Variants in RNF125 observed in about 807,000 individuals in gnomAD.
The protein encoded by RNF125 is ring finger protein 125.
Under a neutral mutation model 26.0 loss-of-function variants are expected in RNF125, and 21 were observed. The ratio of observed to expected loss-of-function variants is 0.81; its 90% CI spans 0.57 to 1.16. RNF125 has a LOEUF of 1.16. RNF125 is among the 50% of genes most tolerant of loss of function. RNF125 has a pLI of 0.00. For missense variants in RNF125, 270 were observed against 299.4 expected (o/e 0.90, Z 0.72); for synonymous variants, 95 against 109.2 (o/e 0.87, Z 0.81).
intron 4 of RNF125, among the ~76,000 whole-genome samples, chr18:32,048,393 T>C (rs886695998): frequency 2.7e-5 from 4 of 150,102 alleles, no homozygotes; most frequent in Non-Finnish European, 5.9e-5. Context: ...GCCATTGCAC[T>C]CCAGCATGGG....
At chr18:32,038,043 ATTTT>A (rs35226765) in intron 2 of RNF125, among the ~76,000 whole-genome samples, 2 of 103,378 alleles carry the variant, frequency 1.9e-5, no homozygotes, top group Admixed American at 1.1e-4. Context: ...GGTCCGTGCC[ATTTT>A]TTTTTTTTTT....
downstream of RNF125, among the ~76,000 whole-genome samples, chr18:32,075,365 C>G (rs1199675860): frequency 6.6e-6 from 1 of 152,036 alleles, no homozygotes; most frequent in Non-Finnish European, 1.5e-5. Context: ...CGAGACCAGC[C>G]TGGCCAACAT....
At chr18:32,063,696 A>G (rs901664892) in intron 4 of RNF125, among the ~76,000 whole-genome samples, 1 of 152,208 alleles carries the variant, frequency 6.6e-6, no homozygotes. Flanking sequence ...AAATAAATGG[A>G]TAAGCAGACT....
chr18:32,079,611 A>G, the RNF125 span, among the ~76,000 whole-genome samples: 3 of 152,244 alleles, frequency 2.0e-5, no homozygotes, highest in Middle Eastern at 3.2e-3. Flanking sequence ...TAGGCACTCC[A>G]TAAACATCTG....
At chr18:32,085,910 A>T in the RNF125 span, among the ~76,000 whole-genome samples, 4 of 152,068 alleles carry the variant, frequency 2.6e-5, no homozygotes, top group Non-Finnish European at 5.9e-5. Context: ...AGAAAGGCAA[A>T]TGCCTAGGTC....
At chr18:32,077,097 C>T (rs2039575108), downstream of RNF125, among the ~76,000 whole-genome samples, 1 of 152,104 alleles carries the variant, frequency 6.6e-6, no homozygotes, top group African/African-American at 2.4e-5. Flanking sequence ...AAAACAATGG[C>T]ACATGTCAAG....
At chr18:32,062,452 T>C (rs973349472) in intron 4 of RNF125, among the ~76,000 whole-genome samples, 1 of 152,164 alleles carries the variant, frequency 6.6e-6, no homozygotes, top group Non-Finnish European at 1.5e-5. Context: ...ACCAAGAACA[T>C]TAGGAAATTG....
At chr18:32,083,997 A>C in the RNF125 span, among the ~76,000 whole-genome samples, 4 of 152,212 alleles carry the variant, frequency 2.6e-5, no homozygotes, top group Admixed American at 2.6e-4. Context: ...AGAAAGGGAG[A>C]GAAGAGCGAG....
intron 1 of RNF125, among the ~76,000 whole-genome samples, chr18:32,034,269 G>A (rs546822195): frequency 1.3e-5 from 2 of 152,172 alleles, no homozygotes; most frequent in South Asian, 2.1e-4. Context: ...AGACAACCTC[G>A]CGGATCTTCT....
chr18:32,023,863 C>T (rs557911445), intron 1 of RNF125, among the ~76,000 whole-genome samples: 2 of 152,248 alleles, frequency 1.3e-5, no homozygotes, highest in South Asian at 4.1e-4. Flanking sequence ...TTGTGACTAG[C>T]CTGGGCAACA....
At chr18:32,047,384 T>G (rs1020640351) in intron 4 of RNF125, among the ~76,000 whole-genome samples, 5 of 152,212 alleles carry the variant, frequency 3.3e-5, no homozygotes, top group African/African-American at 1.2e-4. Flanking sequence ...TCTTGTATGC[T>G]TAAACTTTTC....
At position 32,065,941 on chromosome 18, in the gene RNF125, A is replaced by G. The variant is rs756896808; in HGVS notation, c.544A>G (p.Ser182Gly). 2 of 1,613,970 alleles carry G rather than the reference A, an allele frequency of 1.2e-6. No individual in the cohort carries two copies. The highest frequency in any genetic ancestry group is 2.2e-5 in the East Asian group (1 of 44,884). Residue 182 changes from serine (S) to glycine (G), a missense_variant, in exon 5 of 6, where the codon AGC (serine) becomes GGC (glycine). Physicochemically the swap from Ser to Gly is moderately conservative, Grantham distance 56. Transcript: ENST00000217740. Reference sequence around the variant, plus strand: ...CCGTTTAATACCCGATGAGAATCCAAGCAGCTTCAGTGGCAGTTTAATAAG... The same window carrying G: ...CCGTTTAATACCCGATGAGAATCCAGGCAGCTTCAGTGGCAGTTTAATAAG... ...LCRLIPDENP[S>G]SFSGSLIRHL...
rs1427950152 is a variant in RNF125 at position 32,031,484 on chromosome 18, GGGAAAAAAAAAAAA to G, written c.165-5631_165-5618del. 1.0e-4 allele frequency: 8 copies of G among 79,084 alleles called. No homozygotes were observed. In the East Asian group the frequency reaches 2.4e-3, roughly 24 times the overall value. The allele number at this position is 79,084 out of a possible 1,614,324, so 4.9% of individuals were successfully genotyped here. On this transcript the variant is annotated intron_variant, in intron 1 of 5. Transcript: ENST00000217740. The stretch of plus-strand genomic sequence containing the variant: ...TGCATTGGCATACAACTCAAATTGT[GGGAAAAAAAAAAAA>G]AAAAAAAAAAAAAAGGGAAAACTGC...
chr18:32,037,817 C>T (rs1477538915), intron 2 of RNF125, among the ~76,000 whole-genome samples: 1 of 152,086 alleles, frequency 6.6e-6, no homozygotes, highest in Non-Finnish European at 1.5e-5. Context: ...CTCTGTAAAA[C>T]GCACCAATCA....
At chr18:32,079,604 G>A in the RNF125 span, among the ~76,000 whole-genome samples, 402 of 152,232 alleles carry the variant, frequency 2.6e-3, 11 homozygotes, top group East Asian at 0.053. Flanking sequence ...ATCTCTGTAG[G>A]CACTCCATAA....
intron 4 of RNF125, 62 bp downstream of exon 4, chr18:32,045,794 A>G (rs2039264681): frequency 2.0e-6 from 2 of 983,136 alleles, no homozygotes; most frequent in Non-Finnish European, 3.2e-6. Context: ...TAGGAAATCC[A>G]TTTAATAGAT....
In RNF125 at chr18:32,070,467, G is replaced by A. The variant is rs1054121999; in HGVS notation, c.*2083G>A. ...ATTATAGGCGTGAGCCACTGTGCCC[G>A]GCCTACAGGGTTTTTATCTAACCTT... On this transcript the variant is annotated 3_prime_UTR_variant, in exon 6 of 6. Transcript: ENST00000217740. 3.9e-5 allele frequency: 6 copies of A among 152,246 alleles called. No individual in the cohort carries two copies. Among genetic ancestry groups the A allele is most frequent in the Admixed American group, 2.6e-4 (4 of 15,292 alleles). The allele number at this position is 152,246 out of a possible 1,614,324, so 9.4% of individuals were successfully genotyped here.
chr18:32,042,339 G>T, intron 3 of RNF125, 66 bp downstream of exon 3: 1 of 990,000 alleles, frequency 1.0e-6, no homozygotes, highest in East Asian at 2.6e-5. Context: ...TTAATGGGCT[G>T]GAAACTTTAA....
chr18:32,040,172 C>T lies in RNF125; in HGVS notation c.319-2007C>T, dbSNP rs185515272. On this transcript the variant is annotated intron_variant, in intron 2 of 5. Transcript: ENST00000217740. ...CCTTCTACGCACATTTTGCCCTCTC[C>T]ATGTTGCACTCTCTGTGTTCTTCAG... is the stretch of plus-strand genomic sequence containing the variant. 4.6e-5 allele frequency among the ~76,000 whole-genome samples: 7 copies of T among 152,100 alleles called. No homozygotes were observed. In the East Asian group the frequency reaches 1.4e-3, roughly 29 times the overall value.
Sources: gnomAD v4.1 joint callset for allele counts (sites outside exome capture counted in the v4.1 genomes callset) on GRCh38, gnomAD v4.1.1 for gene constraint, MANE v1.5 for transcripts, NCBI Gene and HGNC (gene_info 2026-07-23, HGNC 2026-07-21) for gene names.